TTC29: variants seen among roughly 807,000 people sequenced by gnomAD.
TTC29 encodes the protein tetratricopeptide repeat domain 29, also known as tetratricopeptide repeat protein 29.
In TTC29, 49 loss-of-function variants were observed where a neutral mutation model predicts 58.1. The ratio of observed to expected loss-of-function variants is 0.84; its 90% confidence interval spans 0.67 to 1.07. The LOEUF (loss-of-function observed/expected upper bound fraction) is 1.07. Ranked by LOEUF, TTC29 falls within the 50% of genes least tolerant of loss-of-function variation. The pLI, the probability that TTC29 is intolerant of heterozygous loss-of-function variation, is 0.00. For synonymous variants in TTC29, 209 were observed against 196.8 expected, an observed-to-expected ratio of 1.06 and a Z score of -0.52; for missense variants, 582 against 555.6, an observed-to-expected ratio of 1.05 and a Z score of -0.48.
chr4:146,926,049 C>T (rs1412785954), intron 4 of TTC29, among the ~76,000 whole-genome samples: 1 of 152,076 alleles, frequency 6.6e-6, no homozygotes, highest in East Asian at 1.9e-4. Flanking sequence ...TTTTAAGGAC[C>T]AGTTAACACA....
chr4:146,715,069 C>T (rs1242370805), intron 11 of TTC29, among the ~76,000 whole-genome samples: 3 of 152,028 alleles, frequency 2.0e-5, no homozygotes, highest in Admixed American at 2.0e-4. Context: ...AACTCCTGGC[C>T]TCAAGCAATC....
intron 11 of TTC29, among the ~76,000 whole-genome samples, chr4:146,713,802 A>G (rs1742714756): frequency 6.6e-6 from 1 of 152,164 alleles, no homozygotes. Context: ...CTAGGCCTGA[A>G]TGAAGCATTG....
intron 11 of TTC29, among the ~76,000 whole-genome samples, chr4:146,727,129 A>G (rs569909615): frequency 1.3e-4 from 19 of 151,756 alleles, no homozygotes; most frequent in Non-Finnish European, 2.4e-4. Flanking sequence ...TATGAATGTC[A>G]CCATACTATG....
chr4:146,879,965 C>A (rs1434282775), intron 6 of TTC29, among the ~76,000 whole-genome samples: 1 of 152,044 alleles, frequency 6.6e-6, no homozygotes. Context: ...CTGTGAGTAA[C>A]CAGATCACAG....
intron 11 of TTC29, among the ~76,000 whole-genome samples, chr4:146,732,180 G>C (rs1288653701): frequency 6.6e-6 from 1 of 152,130 alleles, no homozygotes; most frequent in Non-Finnish European, 1.5e-5. Flanking sequence ...TCTACTATTT[G>C]AAAATAGGTG....
chr4:146,922,333 G>A (rs879637467), intron 4 of TTC29, among the ~76,000 whole-genome samples: 2 of 151,136 alleles, frequency 1.3e-5, no homozygotes, highest in Admixed American at 6.6e-5. Context: ...TTAACAGTAA[G>A]TTAATAAAAT....
At chr4:146,921,518 T>C (rs779723041) in intron 4 of TTC29, among the ~76,000 whole-genome samples, 1 of 151,156 alleles carries the variant, frequency 6.6e-6, no homozygotes, top group Non-Finnish European at 1.5e-5. Flanking sequence ...AGAAAGCTTG[T>C]ATAATATTAT....
chr4:146,758,766 G>A (rs1409437982), intron 11 of TTC29, among the ~76,000 whole-genome samples: 1 of 152,000 alleles, frequency 6.6e-6, no homozygotes, highest in African/African-American at 2.4e-5. Context: ...AAATGAAGAT[G>A]GAAATTAAAA....
intron 7 of TTC29, among the ~76,000 whole-genome samples, chr4:146,874,268 A>T (rs56271589): frequency 0.032 from 4,927 of 152,222 alleles, 134 homozygotes; most frequent in East Asian, 0.13. Flanking sequence ...AAAGGTCTCA[A>T]ATATGTTACA....
intron 11 of TTC29, among the ~76,000 whole-genome samples, chr4:146,727,667 T>G (rs891972839): frequency 3.3e-5 from 5 of 152,236 alleles, no homozygotes; most frequent in African/African-American, 1.2e-4. Context: ...TTTCATAGGT[T>G]GATAATTCAT....
chr4:146,802,253 C>T (rs560492766), intron 11 of TTC29, among the ~76,000 whole-genome samples: 26 of 152,074 alleles, frequency 1.7e-4, no homozygotes, highest in African/African-American at 5.1e-4. Context: ...AGAAAATATG[C>T]GAACCTGAAG....
At chr4:146,711,478 A>G (rs887034847) in intron 11 of TTC29, among the ~76,000 whole-genome samples, 3 of 152,156 alleles carry the variant, frequency 2.0e-5, no homozygotes, top group African/African-American at 7.2e-5. Flanking sequence ...CGGTCCTGCC[A>G]TTGTCAAAAA....
At chr4:146,780,499 T>C (rs1748513405) in intron 11 of TTC29, among the ~76,000 whole-genome samples, 1 of 152,076 alleles carries the variant, frequency 6.6e-6, no homozygotes, top group Admixed American at 6.6e-5. Flanking sequence ...CCAGGGATCA[T>C]GTGTCCTGTT....
chr4:146,933,784 AC>A (rs1461070059), intron 4 of TTC29, among the ~76,000 whole-genome samples: 2 of 152,224 alleles, frequency 1.3e-5, no homozygotes, highest in Non-Finnish European at 2.9e-5. Flanking sequence ...GGTAGATGAT[AC>A]AAAACCCAGA....
chr4:146,914,561 G>A (rs1438090663), intron 4 of TTC29, among the ~76,000 whole-genome samples: 1 of 152,064 alleles, frequency 6.6e-6, no homozygotes, highest in Non-Finnish European at 1.5e-5. Flanking sequence ...GAGTTCATCT[G>A]ACAGGAAAAA....
intron 10 of TTC29, among the ~76,000 whole-genome samples, chr4:146,809,579 A>C (rs1356257990): frequency 6.7e-6 from 1 of 150,010 alleles, no homozygotes; most frequent in African/African-American, 2.4e-5. Context: ...AAAAACAAAC[A>C]ACTCCATCAA....
intron 6 of TTC29, among the ~76,000 whole-genome samples, chr4:146,897,628 G>A (rs11100934): frequency 2.2e-4 from 33 of 152,054 alleles, no homozygotes; most frequent in African/African-American, 4.3e-4. Flanking sequence ...TTGCTATTGC[G>A]TCTGGCTCCT....
chr4:146,740,727 T>C (rs1313386697), intron 11 of TTC29, among the ~76,000 whole-genome samples: 1 of 152,078 alleles, frequency 6.6e-6, no homozygotes, highest in Non-Finnish European at 1.5e-5. Flanking sequence ...TTTTTTAAAA[T>C]TTTTTAGAGA....
At chr4:146,729,680 C>T (rs1166637434) in intron 11 of TTC29, among the ~76,000 whole-genome samples, 1 of 152,074 alleles carries the variant, frequency 6.6e-6, no homozygotes, top group Non-Finnish European at 1.5e-5. Context: ...AATTAACTGA[C>T]AGTTCTACAG....
Sources: gnomAD v4.1 joint callset for allele counts (sites outside exome capture counted in the v4.1 genomes callset) on GRCh38, gnomAD v4.1.1 for gene constraint, MANE v1.5 for transcripts, NCBI Gene and HGNC (gene_info 2026-07-23, HGNC 2026-07-21) for gene names.